LRRFIP2: variants seen among roughly 807,000 people sequenced by gnomAD.
The protein encoded by LRRFIP2 is LRR binding FLII interacting protein 2.
In LRRFIP2, 109 loss-of-function variants were observed where a neutral mutation model predicts 125.9. The ratio of observed to expected loss-of-function variants is 0.87; its 90% CI spans 0.74 to 1.01. The LOEUF (loss-of-function observed/expected upper bound fraction) is 1.01, where lower values mean the gene tolerates loss of function less well. Ranked by LOEUF, LRRFIP2 falls within the 50% of genes least tolerant of loss-of-function variation. The pLI, the probability that LRRFIP2 is intolerant of heterozygous loss-of-function variation, is 0.00. For missense variants in LRRFIP2, 850 were observed against 862.3 expected, an observed-to-expected ratio of 0.99 and a Z score of 0.18; for synonymous variants, 291 against 293.1, an observed-to-expected ratio of 0.99 and a Z score of 0.07.
At chr3:37,133,863 G>T (rs2095490035) in intron 2 of LRRFIP2, among the ~76,000 whole-genome samples, 1 of 152,142 alleles carries the variant, frequency 6.6e-6, no homozygotes, top group Non-Finnish European at 1.5e-5. Context: ...TAAATTAGAA[G>T]TATTCAGAAG....
chr3:37,165,860 A>AAAGG (rs2096477019), intron 1 of LRRFIP2, among the ~76,000 whole-genome samples: 1 of 151,622 alleles, frequency 6.6e-6, no homozygotes, highest in African/African-American at 2.4e-5. Flanking sequence ...AAAGAAAGAG[A>AAAGG]AAGAAAGAAA....
chr3:37,096,543 T>C, intron 16 of LRRFIP2, 73 bp downstream of exon 16: 2 of 944,020 alleles, frequency 2.1e-6, no homozygotes, highest in Admixed American at 4.3e-5. Context: ...TGTTGTAAAA[T>C]AAATAATGAA....
In LRRFIP2 at chr3:37,075,147, A is replaced by G. The variant is rs772869894; in HGVS notation, c.1279-31T>C. The G allele has an allele frequency of 6.1e-6, 9 of 1,473,722 alleles. No homozygotes were observed. The African/African-American group carries it at 1.1e-4, about 18-fold the overall frequency. The allele number at this position is 1,473,722 out of a possible 1,614,324, so 91.3% of individuals were successfully genotyped here. The stretch of plus-strand genomic sequence containing the variant: ...ATTAAACAAATAATATCATTTACAC[A>G]GGTCATGGCACACAAGAAATTTGAA... On this transcript the variant is annotated intron_variant, in intron 19 of 27. Coordinates refer to ENST00000336686, the MANE Select transcript of LRRFIP2 (RefSeq NM_006309.4).
intron 18 of LRRFIP2, among the ~76,000 whole-genome samples, chr3:37,086,946 G>A (rs927695910): frequency 2.0e-5 from 3 of 149,544 alleles, no homozygotes; most frequent in Non-Finnish European, 1.5e-5. Flanking sequence ...CTGCAGCTTC[G>A]ACCTCCCCAG....
At chr3:37,119,499 C>CA (rs2094933320) in intron 6 of LRRFIP2, among the ~76,000 whole-genome samples, 1 of 151,966 alleles carries the variant, frequency 6.6e-6, no homozygotes, top group Non-Finnish European at 1.5e-5. Context: ...TTATAAATAA[C>CA]CGGCTTAATA....
intron 2 of LRRFIP2, among the ~76,000 whole-genome samples, chr3:37,132,116 G>A (rs2095442151): frequency 6.6e-6 from 1 of 151,892 alleles, no homozygotes; most frequent in African/African-American, 2.4e-5. Flanking sequence ...TCTATGAGTA[G>A]ACACTAGTTT....
chr3:37,149,642 C>G (rs1255430353), intron 1 of LRRFIP2, among the ~76,000 whole-genome samples: 1 of 152,178 alleles, frequency 6.6e-6, no homozygotes, highest in Non-Finnish European at 1.5e-5. Flanking sequence ...AGAGGTTTTA[C>G]TACTAAGCCT....
chr3:37,176,008 C>T (rs1009783046), upstream of LRRFIP2: 4 of 152,210 alleles, frequency 2.6e-5, no homozygotes, highest in African/African-American at 9.7e-5. Flanking sequence ...AAAAAGGTTC[C>T]CAACTCCCCG....
intron 2 of LRRFIP2, among the ~76,000 whole-genome samples, chr3:37,130,528 C>A (rs1228703864): frequency 6.6e-6 from 1 of 152,218 alleles, no homozygotes; most frequent in Non-Finnish European, 1.5e-5. Context: ...CCCCCCTTAT[C>A]TGTTGTTTCA....
chr3:37,115,679 T>A (rs1216161771), intron 6 of LRRFIP2, among the ~76,000 whole-genome samples: 1 of 152,192 alleles, frequency 6.6e-6, no homozygotes, highest in Non-Finnish European at 1.5e-5. Flanking sequence ...AGAAATCTGG[T>A]CAATGTGTGA....
At chr3:37,172,095 T>A (rs1389379411) in intron 1 of LRRFIP2, among the ~76,000 whole-genome samples, 1 of 152,316 alleles carries the variant, frequency 6.6e-6, no homozygotes, top group South Asian at 2.1e-4. Flanking sequence ...TTAAATTCTA[T>A]TATAAATAAA....
chr3:37,128,132 G>C (rs2095333471), intron 3 of LRRFIP2, among the ~76,000 whole-genome samples: 2 of 152,112 alleles, frequency 1.3e-5, no homozygotes, highest in Admixed American at 1.3e-4. Context: ...TTCCATATTT[G>C]AAACTATACA....
At chr3:37,076,618 G>A (rs1235380075) in intron 19 of LRRFIP2, among the ~76,000 whole-genome samples, 3 of 152,196 alleles carry the variant, frequency 2.0e-5, no homozygotes, top group Non-Finnish European at 4.4e-5. Flanking sequence ...TGTAATCCCA[G>A]CACTTTGGGA....
At chr3:37,114,600 T>C (rs903060875) in intron 7 of LRRFIP2, among the ~76,000 whole-genome samples, 2 of 151,998 alleles carry the variant, frequency 1.3e-5, no homozygotes, top group African/African-American at 2.4e-5. Flanking sequence ...CTGGACAGCA[T>C]AGCAAAACCC....
chr3:37,089,238 T>C (rs985521819), intron 18 of LRRFIP2, among the ~76,000 whole-genome samples: 1 of 152,178 alleles, frequency 6.6e-6, no homozygotes, highest in Non-Finnish European at 1.5e-5. Flanking sequence ...TTTCATGAAA[T>C]AGATCACCTA....
chr3:37,092,171 T>A (rs1451726201), intron 17 of LRRFIP2, among the ~76,000 whole-genome samples: 1 of 152,196 alleles, frequency 6.6e-6, no homozygotes, highest in Non-Finnish European at 1.5e-5. Flanking sequence ...CAAATGTTAC[T>A]ATAATCCTTA....
intron 1 of LRRFIP2, among the ~76,000 whole-genome samples, chr3:37,152,414 A>G (rs1399944126): frequency 6.6e-6 from 1 of 152,210 alleles, no homozygotes; most frequent in Non-Finnish European, 1.5e-5. Flanking sequence ...CACATAACCA[A>G]AAACCATCTG....
chr3:37,072,720 ATC>A, intron 21 of LRRFIP2, 68 bp downstream of exon 21: 2 of 906,464 alleles, frequency 2.2e-6, no homozygotes, highest in Admixed American at 2.2e-5. Context: ...GGTTTTTTCA[ATC>A]TCTAGGTTAA....
intron 26 of LRRFIP2, 40 bp downstream of exon 26, chr3:37,055,046 A>G: frequency 7.5e-7 from 1 of 1,336,380 alleles, no homozygotes. Flanking sequence ...AGATGCAGGA[A>G]GGACATTTAA....
Sources: gnomAD v4.1 joint callset for allele counts (sites outside exome capture counted in the v4.1 genomes callset) on GRCh38, gnomAD v4.1.1 for gene constraint, MANE v1.5 for transcripts, NCBI Gene and HGNC (gene_info 2026-07-23, HGNC 2026-07-21) for gene names.